Variants in LRRC40 observed in about 807,000 individuals in gnomAD.
LRRC40 encodes the protein leucine-rich repeat-containing protein 40.
LRRC40 carries 76 observed loss-of-function variants against 72.8 expected under a neutral mutation model. That is an observed-to-expected ratio of 1.04 (90% CI 0.87 to 1.26). The LOEUF is 1.26. LRRC40 is among the 50% of genes most tolerant of loss of function. The pLI is 0.00. For synonymous variants in LRRC40, 243 were observed against 254.2 expected (o/e 0.96, Z 0.42); for missense variants, 684 against 698.9 (o/e 0.98, Z 0.24).
intron 13 of LRRC40, among the ~76,000 whole-genome samples, chr1:70,150,264 C>A (rs1235055031): frequency 6.6e-6 from 1 of 152,158 alleles, no homozygotes; most frequent in Non-Finnish European, 1.5e-5. Flanking sequence ...CCATTTTCAT[C>A]ATAAGAAACA....
chr1:70,160,619 G>T (rs757384384), intron 9 of LRRC40, among the ~76,000 whole-genome samples: 1 of 152,044 alleles, frequency 6.6e-6, no homozygotes, highest in Non-Finnish European at 1.5e-5. Context: ...ATCCAGCATT[G>T]TTTTTAAAAT....
chr1:70,179,023 A>T (rs1298228668), intron 5 of LRRC40, 30 bp from the exon 6 acceptor site: 7 of 1,394,900 alleles, frequency 5.0e-6, no homozygotes, highest in Non-Finnish European at 5.8e-6. Flanking sequence ...AAAAACAAAA[A>T]TAGAGAAAAA....
At chr1:70,179,134 C>T (rs2100302039) in intron 5 of LRRC40, 141 bp from the exon 6 acceptor site, 1 of 419,974 alleles carries the variant, frequency 2.4e-6, no homozygotes, top group South Asian at 9.1e-5. Flanking sequence ...TCAAACACCA[C>T]TGAATTAAAT....
At chr1:70,195,928 G>A (rs939001670) in intron 1 of LRRC40, among the ~76,000 whole-genome samples, 8 of 151,968 alleles carry the variant, frequency 5.3e-5, no homozygotes, top group Non-Finnish European at 8.8e-5. Flanking sequence ...GAGCCACCAC[G>A]CCAGGACCTA....
chr1:70,193,393 C>T (rs1311455272), intron 1 of LRRC40, among the ~76,000 whole-genome samples: 1 of 151,308 alleles, frequency 6.6e-6, no homozygotes, highest in African/African-American at 2.4e-5. Context: ...ATGGATAAAT[C>T]CCTAGAATAG....
chr1:70,196,208 GATAA>G (rs1368328401), intron 1 of LRRC40, among the ~76,000 whole-genome samples: 2 of 152,140 alleles, frequency 1.3e-5, no homozygotes, highest in East Asian at 3.9e-4. Flanking sequence ...CAGACTAATG[GATAA>G]ATAAATTGAA....
intron 10 of LRRC40, among the ~76,000 whole-genome samples, chr1:70,158,078 C>A (rs892970649): frequency 4.7e-5 from 5 of 106,384 alleles, no homozygotes; most frequent in Non-Finnish European, 8.5e-5. Flanking sequence ...CCAACCTGGG[C>A]AACAGAGCAA....
At chr1:70,178,621 A>T (rs1009099454) in intron 6 of LRRC40, among the ~76,000 whole-genome samples, 1 of 152,148 alleles carries the variant, frequency 6.6e-6, no homozygotes, top group Non-Finnish European at 1.5e-5. Flanking sequence ...TGTCAGATGA[A>T]ATGGACAAAT....
In LRRC40 at chr1:70,173,405, T is replaced by C; in HGVS notation, c.1111+60A>G. Reference sequence around the variant, plus strand: ...CCAAAAGACATTTAAATTTATGTACTATTAATTCTTCACCACTTTTTATGA... The same window carrying C: ...CCAAAAGACATTTAAATTTATGTACCATTAATTCTTCACCACTTTTTATGA... On this transcript the variant is annotated intron_variant, in intron 9 of 14. Coordinates refer to ENST00000370952, the MANE Select transcript of LRRC40 (RefSeq NM_017768.5). The C allele has an allele frequency of 5.9e-6, 7 of 1,190,402 alleles. No homozygotes were observed. In the South Asian group the frequency reaches 7.6e-5, roughly 13 times the overall value. 73.7% of individuals were successfully genotyped at this position (1,190,402 alleles called of 1,614,324 possible). A position where few individuals can be genotyped will look rare whatever the true frequency, so the allele number is the denominator to read the frequency against.
At chr1:70,157,864 G>T (rs1667673898) in intron 10 of LRRC40, among the ~76,000 whole-genome samples, 1 of 152,072 alleles carries the variant, frequency 6.6e-6, no homozygotes, top group Non-Finnish European at 1.5e-5. Context: ...AGCACTTTGA[G>T]AAGCTGAGGC....
At chr1:70,187,424 C>A in intron 2 of LRRC40, 86 bp from the exon 3 acceptor site, 1 of 662,946 alleles carries the variant, frequency 1.5e-6, no homozygotes. Context: ...AACTATTAGT[C>A]AGTAATCTCC....
chr1:70,185,022 T>C lies in LRRC40; in HGVS notation c.408-108A>G. On this transcript the variant is annotated intron_variant, in intron 3 of 14. Coordinates refer to ENST00000370952, the MANE Select transcript of LRRC40 (RefSeq NM_017768.5). ...ACACTGGACTCATAAAAATCAAATATAGTTACTAACTTTAAGTACTTATCA... is the reference window on the plus strand; with the variant it reads ...ACACTGGACTCATAAAAATCAAATACAGTTACTAACTTTAAGTACTTATCA... 4.6e-6 allele frequency: 4 copies of C among 872,922 alleles called. 1 individual carries two copies. In the South Asian group the frequency reaches 7.9e-5, roughly 17 times the overall value. The allele number at this position is 872,922 out of a possible 1,614,324, so 54.1% of individuals were successfully genotyped here. A position where few individuals can be genotyped will look rare whatever the true frequency, so the allele number is the denominator to read the frequency against.
intron 4 of LRRC40, among the ~76,000 whole-genome samples, chr1:70,184,196 C>A (rs1010167330): frequency 9.2e-5 from 14 of 152,010 alleles, no homozygotes; most frequent in Non-Finnish European, 1.9e-4. Flanking sequence ...TTGCAGTGAG[C>A]GAGATTGCGC....
At chr1:70,180,932 G>C (rs193277442) in intron 5 of LRRC40, among the ~76,000 whole-genome samples, 154 bp downstream of exon 5, 411 of 152,128 alleles carry the variant, frequency 2.7e-3, no homozygotes, top group Middle Eastern at 0.01. Context: ...ACATAATAAT[G>C]GTCTGGAGAA....
chr1:70,204,732 T>TACAC (rs3219841), intron 1 of LRRC40, among the ~76,000 whole-genome samples: 1,845 of 145,242 alleles, frequency 0.013, 30 homozygotes, highest in African/African-American at 0.033. Context: ...CTCTCTCTCT[T>TACAC]ACACACACAC....
intron 13 of LRRC40, among the ~76,000 whole-genome samples, chr1:70,149,906 A>G (rs1163716272): frequency 6.6e-6 from 1 of 152,006 alleles, no homozygotes; most frequent in African/African-American, 2.4e-5. Flanking sequence ...ATTAGCTGCT[A>G]ATATTTTATT....
rs1342289384 is a variant in LRRC40, at chr1:70,148,647, A to G, written c.1543T>C (p.Tyr515His). The stretch of plus-strand genomic sequence containing the variant: ...ATTGTTTCAAGTGTGAAGATACGAT[A>G]TAGAACTTCAGGTAGCATTTTAAAC... ...NRFKMLPEVL[Y>H]RIFTLETILI... is the part of the protein sequence containing the mutation. Residue 515 changes from tyrosine to histidine, a missense_variant, in exon 14 of 15, where the codon TAT becomes CAT. Physicochemically the swap from Tyr to His is moderately conservative, Grantham distance 83 (BLOSUM62 2). Coordinates refer to ENST00000370952, the MANE Select transcript of LRRC40 (RefSeq NM_017768.5). 1.9e-6 allele frequency: 3 copies of G among 1,610,134 alleles called. No individual in the cohort carries two copies. Among genetic ancestry groups the G allele is most frequent in the African/African-American group, 1.3e-5 (1 of 74,850 alleles).
At chr1:70,192,528 A>G (rs1668523978) in intron 1 of LRRC40, among the ~76,000 whole-genome samples, 1 of 152,174 alleles carries the variant, frequency 6.6e-6, no homozygotes, top group South Asian at 2.1e-4. Flanking sequence ...TATTCATTGT[A>G]GCACTATTCA....
chr1:70,193,444 T>A (rs1668544923), intron 1 of LRRC40, among the ~76,000 whole-genome samples: 1 of 151,422 alleles, frequency 6.6e-6, no homozygotes, highest in African/African-American at 2.4e-5. Flanking sequence ...TAGCCTTGCA[T>A]CTATTAAAGA....
Sources: allele counts gnomAD v4.1 joint callset (sites outside exome capture counted in the v4.1 genomes callset), GRCh38; gene constraint gnomAD v4.1.1; transcripts MANE v1.5; gene names NCBI Gene and HGNC (gene_info 2026-07-23, HGNC 2026-07-21).